The following AGBL3 variants were observed in gnomAD, a reference collection of about 807,000 sequenced individuals.
The protein encoded by AGBL3 is cytosolic carboxypeptidase 3.
AGBL3 carries 68 observed loss-of-function variants against 94.5 expected under a neutral mutation model. The ratio of observed to expected loss-of-function variants is 0.72; its 90% confidence interval spans 0.59 to 0.88. The LOEUF (loss-of-function observed/expected upper bound fraction) is 0.88, where lower values mean the gene tolerates loss of function less well. Among genes scored for constraint, AGBL3 ranks in the 40% least tolerant of loss-of-function variants. AGBL3 has a pLI of 0.00. For synonymous variants in AGBL3, 354 were observed against 370.7 expected, an observed-to-expected ratio of 0.95 and a Z score of 0.52; for missense variants, 934 against 1,103.8, an observed-to-expected ratio of 0.85 and a Z score of 2.18.
chr7:135,093,356 GATAAAAGATCA>G (rs754084510), intron 15 of AGBL3: 1 of 151,984 alleles, frequency 6.6e-6, no homozygotes, highest in African/African-American at 2.4e-5. Flanking sequence ...AAGGTTGCAG[GATAAAAGATCA>G]ATAGGCAAAA....
At chr7:135,123,258 C>G (rs187236348) in intron 16 of AGBL3, among the ~76,000 whole-genome samples, 2 of 152,226 alleles carry the variant, frequency 1.3e-5, no homozygotes, top group East Asian at 3.9e-4. Context: ...ACACAAGTAT[C>G]AATAGCCGAA....
chr7:135,010,516 C>A (rs1405120306), intron 4 of AGBL3: 1 of 153,462 alleles, frequency 6.5e-6, no homozygotes, highest in Non-Finnish European at 1.4e-5. Flanking sequence ...ATACAACTGT[C>A]AAAATTTTAA....
intron 12 of AGBL3, among the ~76,000 whole-genome samples, chr7:135,062,722 C>T (rs1396008472): frequency 2.6e-5 from 4 of 152,062 alleles, no homozygotes; most frequent in Non-Finnish European, 5.9e-5. Context: ...CTCACTTGAT[C>T]ATGATGAATA....
intron 15 of AGBL3, among the ~76,000 whole-genome samples, chr7:135,105,631 T>C (rs561593043): frequency 3.3e-5 from 5 of 152,386 alleles, no homozygotes; most frequent in African/African-American, 1.2e-4. Flanking sequence ...TTGGTTACTA[T>C]AGCCCTATAA....
intron 15 of AGBL3, among the ~76,000 whole-genome samples, chr7:135,103,725 A>G (rs1824215595): frequency 6.6e-6 from 1 of 152,202 alleles, no homozygotes. Flanking sequence ...ACAGGTATAA[A>G]TAAGCAGAGT....
chr7:135,063,549 C>G (rs1433500702), intron 12 of AGBL3, among the ~76,000 whole-genome samples: 1 of 151,870 alleles, frequency 6.6e-6, no homozygotes, highest in Non-Finnish European at 1.5e-5. Context: ...TTTGCTGCAT[C>G]TGATAAGTTT....
intron 11 of AGBL3, among the ~76,000 whole-genome samples, chr7:135,057,066 A>C (rs1818403683): frequency 6.6e-6 from 1 of 152,140 alleles, no homozygotes; most frequent in African/African-American, 2.4e-5. Flanking sequence ...TAGAGAACCC[A>C]GAAATATATC....
chr7:135,007,036 T>C (rs1812475878), intron 4 of AGBL3, among the ~76,000 whole-genome samples: 1 of 151,922 alleles, frequency 6.6e-6, no homozygotes, highest in African/African-American at 2.4e-5. Flanking sequence ...TAATTAATAA[T>C]AGAAAAACTA....
rs940923166 is a variant in AGBL3, at chr7:135,023,389, G to T, written c.418+6230G>T. On this transcript the variant is annotated intron_variant, in intron 5 of 16. Coordinates refer to ENST00000436302, the MANE Select transcript of AGBL3 (RefSeq NM_178563.4). ...ATGGGGTTGCTGAATGCCGGGGCTA[G>T]TTCCTACCCCTGAACAGTCCTAGGG... 3.4e-4 allele frequency among the ~76,000 whole-genome samples: 51 copies of T among 152,158 alleles called. 1 individual carries two copies. Among genetic ancestry groups the T allele is most frequent in the Non-Finnish European group, 1.9e-4 (13 of 68,010 alleles).
intron 15 of AGBL3, chr7:135,094,679 G>A: frequency 2.7e-6 from 1 of 365,334 alleles, no homozygotes; most frequent in Non-Finnish European, 5.3e-6. Context: ...TCTAAAAGGA[G>A]AAAATCAATA....
intron 4 of AGBL3, among the ~76,000 whole-genome samples, chr7:135,009,513 C>G (rs12531477): frequency 0.93 from 141,668 of 152,202 alleles, 66,715 homozygotes; most frequent in Non-Finnish European, 1. Context: ...GTTTTTTTCT[C>G]TTCCCTTTCC....
chr7:135,126,776 C>A (rs1395003543), intron 16 of AGBL3, among the ~76,000 whole-genome samples: 1 of 152,180 alleles, frequency 6.6e-6, no homozygotes, highest in Non-Finnish European at 1.5e-5. Context: ...GGAAAGGATT[C>A]CCTGTTCAAT....
rs1817305447 is a variant in AGBL3 at position 135,045,836 on chromosome 7, G to C, written c.1766G>C (p.Arg589Thr). ...CTGAAAGAATTAGAAGAAATGGAAA[G>C]ACATATAACCCTGGAAAAAGTCTTT... is the stretch of plus-strand genomic sequence containing the variant. ...RCLKELEEME[R>T]HITLEKVFED... is the part of the protein sequence containing the mutation. The change falls in exon 11 of 17, where the codon AGA becomes ACA. Residue 589 changes from arginine (R) to threonine (T), a missense_variant. Around this residue, in one of 3 missense-constraint regions of AGBL3, gnomAD observed 441 missense variants for 518.2 expected, o/e 0.85. Transcript: ENST00000436302. The C allele has an allele frequency of 1.3e-6, 2 of 1,550,712 alleles. No homozygotes were observed. The highest frequency in any genetic ancestry group is 4.9e-5 in the East Asian group (2 of 40,876).
At chr7:135,022,091 A>T (rs1249866474) in intron 5 of AGBL3, among the ~76,000 whole-genome samples, 2 of 152,144 alleles carry the variant, frequency 1.3e-5, no homozygotes, top group Non-Finnish European at 2.9e-5. Flanking sequence ...GGTTGGTTCC[A>T]TGTCTTTGCC....
intron 12 of AGBL3, among the ~76,000 whole-genome samples, chr7:135,071,047 T>C (rs1219195345): frequency 6.6e-6 from 1 of 152,168 alleles, no homozygotes; most frequent in Non-Finnish European, 1.5e-5. Context: ...ACAAAATCAA[T>C]GTGAAAAATT....
chr7:135,073,378 G>C (rs896988438), intron 12 of AGBL3, among the ~76,000 whole-genome samples: 9 of 152,208 alleles, frequency 5.9e-5, no homozygotes, highest in Admixed American at 5.9e-4. Flanking sequence ...GCTGAGGCAA[G>C]GAAAATCACT....
intron 15 of AGBL3, among the ~76,000 whole-genome samples, chr7:135,100,925 C>A (rs1191952796): frequency 6.6e-6 from 1 of 152,194 alleles, no homozygotes; most frequent in Non-Finnish European, 1.5e-5. Flanking sequence ...ATCCTGCCTA[C>A]ATCATGAGAC....
At chr7:135,067,047 G>A (rs959719166) in intron 12 of AGBL3, among the ~76,000 whole-genome samples, 7 of 152,204 alleles carry the variant, frequency 4.6e-5, no homozygotes, top group Non-Finnish European at 7.3e-5. Context: ...CTAATACTGC[G>A]CTCTTCCAAC....
At chr7:135,059,747 GAATA>G (rs1818663165) in intron 12 of AGBL3, among the ~76,000 whole-genome samples, 2 of 152,132 alleles carry the variant, frequency 1.3e-5, no homozygotes, top group African/African-American at 4.8e-5. Context: ...GCAGGAGCGG[GAATA>G]AAGAGTTTAG....
Sources: gnomAD v4.1 joint callset for allele counts (sites outside exome capture counted in the v4.1 genomes callset) on GRCh38, gnomAD v4.1.1 for gene constraint, gnomAD v4.1.1 regional missense constraint, MANE v1.5 for transcripts, NCBI Gene and HGNC (gene_info 2026-07-23, HGNC 2026-07-21) for gene names.